The following AGAP3 variants were observed in gnomAD, a reference collection of about 807,000 sequenced individuals.
AGAP3 encodes the protein ArfGAP with GTPase domain, ankyrin repeat and PH domain 3, also known as arf-GAP with GTPase, ANK repeat and PH domain-containing protein 3.
AGAP3 carries 24 observed loss-of-function variants against 96.9 expected under a neutral mutation model. The ratio of observed to expected loss-of-function variants is 0.25; its 90% CI spans 0.18 to 0.35. The LOEUF is 0.35. Among genes scored for constraint, AGAP3 ranks in the 10% least tolerant of loss-of-function variants. The probability of loss-of-function intolerance (pLI) is 1.00; values close to 1 mark genes in which losing one functional copy is unlikely to be tolerated. For missense variants in AGAP3, 876 were observed against 1,254.2 expected (o/e 0.70, Z 4.55); for synonymous variants, 563 against 536.1 (o/e 1.05, Z -0.69).
At chr7:151,107,761 T>C (rs1409625051) in intron 1 of AGAP3, among the ~76,000 whole-genome samples, 2 of 152,218 alleles carry the variant, frequency 1.3e-5, no homozygotes, top group Non-Finnish European at 2.9e-5. Context: ...CTCTAGCTCA[T>C]GGGACTGCAG....
chr7:151,135,551 C>T (rs1318406426), intron 11 of AGAP3, among the ~76,000 whole-genome samples: 6 of 152,206 alleles, frequency 3.9e-5, no homozygotes, highest in South Asian at 2.1e-4. Context: ...GATGGGACTC[C>T]GCTGAGAAAG....
At chr7:151,107,088 T>C (rs1272870694) in intron 1 of AGAP3, among the ~76,000 whole-genome samples, 3 of 152,180 alleles carry the variant, frequency 2.0e-5, no homozygotes, top group South Asian at 4.1e-4. Context: ...GGGAGGTAGA[T>C]CACCTGAGGT....
rs1465817818 is a variant in AGAP3, at chr7:151,114,339, G to T, written c.332-2454G>T. Among the ~76,000 whole-genome samples the T allele has an allele frequency of 6.6e-6, 1 of 152,232 alleles. No individual in the cohort carries two copies. The highest frequency in any genetic ancestry group is 1.5e-5 in the Non-Finnish European group (1 of 68,046). ...TCTTGGCTCTTCTGGCTCTTCCTTT[G>T]AAGAATGAGAAATGGCCCGCTTTTC... On this transcript the variant is annotated intron_variant, in intron 1 of 17. Coordinates refer to ENST00000397238, the MANE Select transcript of AGAP3 (RefSeq NM_031946.7). The surrounding 1 kb of genome is among the most constrained non-coding windows in gnomAD (Gnocchi z 4.4).
intron 11 of AGAP3, among the ~76,000 whole-genome samples, chr7:151,135,435 G>A (rs1800555311): frequency 6.6e-6 from 1 of 152,254 alleles, no homozygotes; most frequent in African/African-American, 2.4e-5. Flanking sequence ...AGTGAGGGGA[G>A]GATGTGACAG....
chr7:151,134,378 G>C, intron 10 of AGAP3, 22 bp from the exon 11 acceptor site: 2 of 1,612,774 alleles, frequency 1.2e-6, no homozygotes, highest in Non-Finnish European at 1.7e-6. Context: ...GTCTTCATCT[G>C]TCTCTCCCAC....
chr7:151,117,923 G>A, intron 5 of AGAP3, 146 bp downstream of exon 5: 1 of 1,219,700 alleles, frequency 8.2e-7, no homozygotes, highest in African/African-American at 1.5e-5. Flanking sequence ...TCTCCGTGCT[G>A]CTCGTGTCTG....
intron 8 of AGAP3, 21 bp downstream of exon 8, chr7:151,120,166 C>A: frequency 6.4e-7 from 1 of 1,573,782 alleles, no homozygotes; most frequent in Non-Finnish European, 8.7e-7. Context: ...GCCCTCCTCC[C>A]CCGCCCAGCT....
Position 151,096,101 on chromosome 7 carries a change from G to A in AGAP3, c.331+9029G>A, listed in dbSNP as rs530045441. 2.6e-5 allele frequency among the ~76,000 whole-genome samples: 4 copies of A among 152,332 alleles called. No individual in the cohort carries two copies. Among genetic ancestry groups the A allele is most frequent in the Admixed American group, 6.5e-5 (1 of 15,304 alleles). On this transcript the variant is annotated intron_variant, in intron 1 of 17. Transcript: ENST00000397238. The surrounding 1 kb of genome is among the most constrained non-coding windows in gnomAD (Gnocchi z 4.4). Reference sequence around the variant, plus strand: ...GGGCGTGAGAAGCAAATCAGTTAACGTCTGCAGAGCTTTTAGAGCAGCAGC... The same window carrying A: ...GGGCGTGAGAAGCAAATCAGTTAACATCTGCAGAGCTTTTAGAGCAGCAGC...
chr7:151,120,362 C>T (rs1799820308), intron 8 of AGAP3, among the ~76,000 whole-genome samples: 1 of 152,184 alleles, frequency 6.6e-6, no homozygotes, highest in Non-Finnish European at 1.5e-5. Context: ...CCAGTAGCGG[C>T]CCTTACCCTG....
intron 1 of AGAP3, among the ~76,000 whole-genome samples, chr7:151,111,818 CCT>C (rs1405548966): frequency 1.3e-5 from 2 of 152,136 alleles, no homozygotes; most frequent in African/African-American, 2.4e-5. Context: ...TGCCATGGAG[CCT>C]CTCAGCCCCT....
intron 1 of AGAP3, chr7:151,115,414 G>A (rs1417549647): frequency 9.9e-7 from 1 of 1,008,864 alleles, no homozygotes. Flanking sequence ...CCGCGCGCGC[G>A]CACCCGTAGC....
intron 1 of AGAP3, among the ~76,000 whole-genome samples, chr7:151,107,621 CA>C (rs544223130): frequency 1.1e-4 from 17 of 151,518 alleles, no homozygotes; most frequent in African/African-American, 3.2e-4. Flanking sequence ...GAGACCGTCT[CA>C]AAAAAATTTT....
chr7:151,087,194 C>A (rs1218356475), intron 1 of AGAP3, 122 bp downstream of exon 1: 2 of 1,081,740 alleles, frequency 1.8e-6, no homozygotes, highest in Non-Finnish European at 2.7e-6. Flanking sequence ...GCTTGAGGAC[C>A]AGGCCACGAG....
intron 12 of AGAP3, among the ~76,000 whole-genome samples, 172 bp downstream of exon 12, chr7:151,138,485 A>G (rs1287906767): frequency 6.6e-6 from 1 of 152,212 alleles, no homozygotes; most frequent in Non-Finnish European, 1.5e-5. Flanking sequence ...CTTCGGGGCT[A>G]GTACTGACGT....
chr7:151,140,236 T>C lies in AGAP3; in HGVS notation c.1804+120T>C. ...ATTCAGTGGATTAAGCACTTTCTAG[T>C]AGTTGCTAATCAAAGTAGTTCTACA... is the stretch of plus-strand genomic sequence containing the variant. On this transcript the variant is annotated intron_variant, in intron 13 of 17. Coordinates refer to ENST00000397238, the MANE Select transcript of AGAP3 (RefSeq NM_031946.7). This position sits in a 1 kb window ranked among gnomAD's most constrained non-coding sequence, Gnocchi z 5.4. The C allele has an allele frequency of 8.6e-7, 1 of 1,167,426 alleles. No homozygotes were observed. Among genetic ancestry groups the C allele is most frequent in the Non-Finnish European group, 1.1e-6 (1 of 908,450 alleles). The allele number at this position is 1,167,426 out of a possible 1,614,324, so 72.3% of individuals were successfully genotyped here.
chr7:151,144,054 A>G lies in AGAP3; in HGVS notation c.*111A>G. The G allele has an allele frequency of 8.4e-7, 1 of 1,195,244 alleles. No individual in the cohort carries two copies. Among genetic ancestry groups the G allele is most frequent in the Admixed American group, 2.4e-5 (1 of 40,908 alleles). The allele number at this position is 1,195,244 out of a possible 1,614,324, so 74.0% of individuals were successfully genotyped here. A position where few individuals can be genotyped will look rare whatever the true frequency, so the allele number is the denominator to read the frequency against. The stretch of plus-strand genomic sequence containing the variant: ...GATGGAGAAGCAGGGACATGCTGAG[A>G]GGACGAAGCCAAGGAAATTAGGGAG... On this transcript the variant is annotated 3_prime_UTR_variant, in exon 18 of 18. Coordinates refer to ENST00000397238, the MANE Select transcript of AGAP3 (RefSeq NM_031946.7).
chr7:151,107,313 A>C (rs1799098040), intron 1 of AGAP3, among the ~76,000 whole-genome samples: 1 of 146,038 alleles, frequency 6.8e-6, no homozygotes, highest in South Asian at 2.1e-4. Flanking sequence ...TCCGGCTCAA[A>C]AAAAAAAAAA....
rs57089874 is a variant in AGAP3, at chr7:151,096,629, C to T, written c.331+9557C>T. 6.5e-3 allele frequency among the ~76,000 whole-genome samples: 989 copies of T among 151,906 alleles called. 7 individuals carry two copies. Among genetic ancestry groups the T allele is most frequent in the African/African-American group, 0.021 (885 of 41,392 alleles). ...CTGGGACTACAGGTGCCCACCACCA[C>T]GCCCGGCTTATTTTTTGTATTTTTA... On this transcript the variant is annotated intron_variant, in intron 1 of 17. Coordinates refer to ENST00000397238, the MANE Select transcript of AGAP3 (RefSeq NM_031946.7). The surrounding 1 kb of genome is among the most constrained non-coding windows in gnomAD (Gnocchi z 4.4).
intron 7 of AGAP3, chr7:151,119,137 C>T (rs1381110513): frequency 3.3e-5 from 6 of 184,178 alleles, no homozygotes; most frequent in Non-Finnish European, 6.9e-5. Context: ...TTCTTACTGT[C>T]TCTGAGCAGC....
Sources: allele counts gnomAD v4.1 joint callset (sites outside exome capture counted in the v4.1 genomes callset), GRCh38; gene constraint gnomAD v4.1.1; non-coding constraint Gnocchi (gnomAD v3.1); transcripts MANE v1.5; gene names NCBI Gene and HGNC (gene_info 2026-07-23, HGNC 2026-07-21).